MCTP1: variants seen among roughly 807,000 people sequenced by gnomAD.
MCTP1 encodes the protein multiple C2 and transmembrane domain-containing protein 1.
Under a neutral mutation model 120.6 loss-of-function variants are expected in MCTP1, and 69 were observed. The observed-to-expected ratio is 0.57, with a 90% CI of 0.47 to 0.70. The LOEUF (loss-of-function observed/expected upper bound fraction) is 0.70, where lower values mean the gene tolerates loss of function less well. MCTP1 is among the 30% of genes least tolerant of loss of function. The pLI, the probability that MCTP1 is intolerant of heterozygous loss-of-function variation, is 0.00. For synonymous variants in MCTP1, 529 were observed against 493.1 expected, an observed-to-expected ratio of 1.07 and a Z score of -0.96; for missense variants, 1,203 against 1,248.8, an observed-to-expected ratio of 0.96 and a Z score of 0.55.
intron 1 of MCTP1, among the ~76,000 whole-genome samples, chr5:95,203,571 T>G (rs1480590676): frequency 6.6e-6 from 1 of 152,244 alleles, no homozygotes; most frequent in Non-Finnish European, 1.5e-5. Flanking sequence ...GAATAGGGAT[T>G]TCTTTCTTCA....
At chr5:94,880,200 C>T (rs558264026) in intron 12 of MCTP1, among the ~76,000 whole-genome samples, 4 of 151,982 alleles carry the variant, frequency 2.6e-5, no homozygotes, top group Non-Finnish European at 2.9e-5. Context: ...GCAAGTGATT[C>T]GTTACAAGCT....
intron 1 of MCTP1, among the ~76,000 whole-genome samples, chr5:95,040,943 A>T (rs2151894545): frequency 6.6e-6 from 1 of 152,256 alleles, no homozygotes; most frequent in Non-Finnish European, 1.5e-5. Flanking sequence ...GAAGGCTAAT[A>T]ATAGTGGAGG....
chr5:94,932,256 C>A (rs1435316881), intron 5 of MCTP1, among the ~76,000 whole-genome samples: 1 of 146,656 alleles, frequency 6.8e-6, no homozygotes, highest in African/African-American at 2.5e-5. Flanking sequence ...TATCGGGATG[C>A]CTTTATTGAC....
At chr5:95,072,943 C>G (rs1442075010) in intron 1 of MCTP1, among the ~76,000 whole-genome samples, 1 of 151,954 alleles carries the variant, frequency 6.6e-6, no homozygotes, top group African/African-American at 2.4e-5. Flanking sequence ...GATGAGGTTT[C>G]ACCGTGTTAG....
At position 95,170,798 on chromosome 5, in the gene MCTP1, A is replaced by G. The variant is rs553187133; in HGVS notation, c.720+113058T>C. Among the ~76,000 whole-genome samples the G allele has an allele frequency of 2.6e-5, 4 of 152,148 alleles. No individual in the cohort carries two copies. In the East Asian group the frequency reaches 5.8e-4, roughly 22 times the overall value. On this transcript the variant is annotated intron_variant, in intron 1 of 22. Transcript: ENST00000515393. ...TTCCATTCCTTTATTTTGAGCCTAT[A>G]TGTGTCTCTGCACATGAGATGGGTC... is the stretch of plus-strand genomic sequence containing the variant.
chr5:94,863,843 T>G (rs1287137604), intron 17 of MCTP1, among the ~76,000 whole-genome samples: 1 of 151,344 alleles, frequency 6.6e-6, no homozygotes. Context: ...TTTAATCATT[T>G]GGCTATACAG....
intron 18 of MCTP1, chr5:94,784,981 T>C: frequency 6.6e-6 from 1 of 152,114 alleles, no homozygotes; most frequent in East Asian, 1.9e-4. Flanking sequence ...TCAGATGACT[T>C]TTGATGCATG....
chr5:94,733,546 T>C (rs1475280112), intron 19 of MCTP1, among the ~76,000 whole-genome samples: 1 of 152,208 alleles, frequency 6.6e-6, no homozygotes, highest in East Asian at 1.9e-4. Flanking sequence ...ATCCATATCT[T>C]AAAGGAACAT....
rs183863568 is a variant in MCTP1, at chr5:95,133,383, G to A, written c.721-115899C>T. Reference sequence around the variant, plus strand: ...TAAAATGGAGCTATAACAATATACTGTAATAAGGCCGGGTGCAGTGGCTCA... The same window carrying A: ...TAAAATGGAGCTATAACAATATACTATAATAAGGCCGGGTGCAGTGGCTCA... On this transcript the variant is annotated intron_variant, in intron 1 of 22. Coordinates refer to ENST00000515393, the MANE Select transcript of MCTP1 (RefSeq NM_024717.7). Among the ~76,000 whole-genome samples, 125 of 152,278 alleles carry A rather than the reference G, an allele frequency of 8.2e-4. 2 individuals carry two copies. The highest frequency in any genetic ancestry group is 2.9e-3 in the African/African-American group (122 of 41,556).
At chr5:94,795,772 T>C (rs1011748497) in intron 18 of MCTP1, among the ~76,000 whole-genome samples, 4 of 152,230 alleles carry the variant, frequency 2.6e-5, no homozygotes, top group East Asian at 1.9e-4. Context: ...TGAAATACCA[T>C]TTTTAACCAC....
chr5:94,856,625 C>A (rs992717446), intron 17 of MCTP1, among the ~76,000 whole-genome samples: 4 of 151,536 alleles, frequency 2.6e-5, no homozygotes, highest in African/African-American at 9.7e-5. Flanking sequence ...GCAGCAAACC[C>A]GATGAGAAGG....
chr5:94,972,651 A>T (rs1286353368), intron 2 of MCTP1, among the ~76,000 whole-genome samples: 1 of 152,186 alleles, frequency 6.6e-6, no homozygotes, highest in East Asian at 1.9e-4. Flanking sequence ...TAATTTTAAA[A>T]ATTATCAGAA....
At chr5:95,187,928 T>C (rs1369689158) in intron 1 of MCTP1, among the ~76,000 whole-genome samples, 1 of 152,212 alleles carries the variant, frequency 6.6e-6, no homozygotes, top group East Asian at 1.9e-4. Context: ...TATCCCATTC[T>C]CCATGATGTG....
intron 17 of MCTP1, among the ~76,000 whole-genome samples, chr5:94,846,574 T>C (rs192278009): frequency 1.8e-3 from 280 of 152,294 alleles, no homozygotes; most frequent in South Asian, 5.8e-3. Flanking sequence ...ACCTGGGTAA[T>C]GGAATTATCT....
intron 6 of MCTP1, chr5:94,929,818 T>A (rs1814097906): frequency 7.2e-6 from 2 of 275,872 alleles, no homozygotes; most frequent in Non-Finnish European, 1.1e-5. Context: ...TAGGGCACAG[T>A]AAAAAATCTG....
At chr5:95,239,535 A>G (rs1755930852) in intron 1 of MCTP1, among the ~76,000 whole-genome samples, 1 of 152,186 alleles carries the variant, frequency 6.6e-6, no homozygotes, top group African/African-American at 2.4e-5. Flanking sequence ...AACAAAACAG[A>G]AACAGGAGTC....
In MCTP1 at chr5:95,210,891, AT is replaced by A. The variant is rs1291481895; in HGVS notation, c.720+72964del. On this transcript the variant is annotated intron_variant, in intron 1 of 22. Transcript: ENST00000515393. ...CCTAGTGGTGACAAAATCTCTCAGC[AT>A]TTGCTTGTGTGTAAAGGATTTTATT... Among the ~76,000 whole-genome samples, 12 of 152,020 alleles carry A rather than the reference AT, an allele frequency of 7.9e-5. No individual in the cohort carries two copies. In the South Asian group the frequency reaches 8.3e-4, roughly 11 times the overall value.
chr5:94,753,538 A>T (rs1201144093), intron 19 of MCTP1, among the ~76,000 whole-genome samples: 1 of 152,168 alleles, frequency 6.6e-6, no homozygotes, highest in Admixed American at 6.5e-5. Flanking sequence ...AATTTCATTT[A>T]TTTCCTTTGT....
chr5:94,793,936 T>A (rs1485860268), intron 18 of MCTP1, among the ~76,000 whole-genome samples: 1 of 152,250 alleles, frequency 6.6e-6, no homozygotes, highest in Non-Finnish European at 1.5e-5. Flanking sequence ...TGGTTCTCAC[T>A]GGAACAGACC....
Sources: allele counts gnomAD v4.1 joint callset (sites outside exome capture counted in the v4.1 genomes callset), GRCh38; gene constraint gnomAD v4.1.1; transcripts MANE v1.5; gene names NCBI Gene and HGNC (gene_info 2026-07-23, HGNC 2026-07-21).